Variants in THSD4 observed in about 807,000 individuals in gnomAD.
THSD4 encodes thrombospondin type 1 domain containing 4.
In THSD4, 69 loss-of-function variants were observed where a neutral mutation model predicts 119.0. The ratio of observed to expected loss-of-function variants is 0.58; its 90% confidence interval spans 0.48 to 0.71. The LOEUF is 0.71. Ranked by LOEUF, THSD4 falls within the 30% of genes least tolerant of loss-of-function variation. The pLI, the probability that THSD4 is intolerant of heterozygous loss-of-function variation, is 0.00. For missense variants in THSD4, 1,393 were observed against 1,391.1 expected (o/e 1.00, Z -0.02); for synonymous variants, 524 against 540.4 (o/e 0.97, Z 0.42).
At chr15:71,324,441 T>C (rs908570399) in intron 6 of THSD4, among the ~76,000 whole-genome samples, 5 of 152,172 alleles carry the variant, frequency 3.3e-5, no homozygotes, top group Non-Finnish European at 5.9e-5. Context: ...TGTGTACTTT[T>C]TTTCTTCCTT....
chr15:71,494,458 TTTAA>T (rs1202085879), intron 7 of THSD4, among the ~76,000 whole-genome samples: 2 of 152,158 alleles, frequency 1.3e-5, no homozygotes, highest in African/African-American at 4.8e-5. Context: ...GACACTGGCT[TTTAA>T]TTAAATACTT....
chr15:71,218,178 G>GC (rs2043949647), intron 4 of THSD4, among the ~76,000 whole-genome samples: 1 of 152,172 alleles, frequency 6.6e-6, no homozygotes, highest in Non-Finnish European at 1.5e-5. Flanking sequence ...TGAAACCCAG[G>GC]CCATCGTGGC....
chr15:71,301,209 C>T (rs564308010), intron 6 of THSD4, among the ~76,000 whole-genome samples: 1 of 152,264 alleles, frequency 6.6e-6, no homozygotes, highest in South Asian at 2.1e-4. Flanking sequence ...AAATAACTTC[C>T]ATTAATATTT....
chr15:71,379,447 C>CTT (rs1356266423), intron 6 of THSD4, among the ~76,000 whole-genome samples: 7 of 112,864 alleles, frequency 6.2e-5, no homozygotes, highest in African/African-American at 2.2e-4. Context: ...AAGCAAATGG[C>CTT]TTCTTTTTTT....
At chr15:71,211,184 T>A (rs12592833) in intron 3 of THSD4, among the ~76,000 whole-genome samples, 72,161 of 152,142 alleles carry the variant, frequency 0.47, 17,831 homozygotes, top group Middle Eastern at 0.66. Flanking sequence ...TTTTGGTGCT[T>A]TATTTTGCAT....
chr15:71,532,283 A>AGAGAGAGAGAGTGAGT (rs1379506089), intron 7 of THSD4, among the ~76,000 whole-genome samples: 1 of 101,574 alleles, frequency 9.8e-6, no homozygotes, highest in African/African-American at 3.4e-5. Context: ...AGAGAGAGAG[A>AGAGAGAGAGAGTGAGT]GTGTGTGTGT....
At chr15:71,626,803 TCTCTGCTTTCA>T (rs1341289162) in intron 7 of THSD4, among the ~76,000 whole-genome samples, 1 of 152,214 alleles carries the variant, frequency 6.6e-6, no homozygotes, top group Non-Finnish European at 1.5e-5. Flanking sequence ...CGTGTTATTT[TCTCTGCTTTCA>T]CTGTTCTTAT....
At chr15:71,731,247 T>G (rs2052974088) in intron 10 of THSD4, 30 bp downstream of exon 10, 1 of 1,597,050 alleles carries the variant, frequency 6.3e-7, no homozygotes, top group Admixed American at 1.7e-5. Context: ...GGCCGGGGAC[T>G]CTGGTCATTT....
At chr15:71,358,089 T>C (rs2045845207) in intron 6 of THSD4, among the ~76,000 whole-genome samples, 1 of 152,204 alleles carries the variant, frequency 6.6e-6, no homozygotes, top group Admixed American at 6.5e-5. Flanking sequence ...CTTCTCCTTC[T>C]TTTCCAGACA....
chr15:71,511,109 G>C (rs2048276863), intron 7 of THSD4, among the ~76,000 whole-genome samples: 2 of 152,284 alleles, frequency 1.3e-5, no homozygotes, highest in African/African-American at 4.8e-5. Flanking sequence ...TGTGGCTTCT[G>C]TCTTCAGCAG....
intron 7 of THSD4, among the ~76,000 whole-genome samples, chr15:71,451,336 TTGTC>T (rs1355951698): frequency 2.0e-5 from 3 of 152,268 alleles, no homozygotes; most frequent in Non-Finnish European, 2.9e-5. Context: ...GCGGAGGTGA[TTGTC>T]TGGACTGGGA....
At chr15:71,517,556 C>T (rs1449183182) in intron 7 of THSD4, among the ~76,000 whole-genome samples, 1 of 152,192 alleles carries the variant, frequency 6.6e-6, no homozygotes, top group Non-Finnish European at 1.5e-5. Flanking sequence ...AAAGGACATT[C>T]TCATTTGTAA....
intron 7 of THSD4, among the ~76,000 whole-genome samples, chr15:71,648,394 T>G (rs1048925496): frequency 6.6e-6 from 1 of 152,172 alleles, no homozygotes; most frequent in Non-Finnish European, 1.5e-5. Context: ...GCCCAACCCA[T>G]AGGCTCCATC....
chr15:71,670,471 G>T lies in THSD4; in HGVS notation c.1357+9737G>T, dbSNP rs201133261. Among the ~76,000 whole-genome samples the T allele has an allele frequency of 6.3e-4, 93 of 147,186 alleles. 2 individuals carry two copies. The East Asian group carries it at 0.019, about 30-fold the overall frequency. ...TATATGTGCCACATTTTCTTTTTTT[G>T]TTTGTTTTTTTTTAGATTTAAATTT... On this transcript the variant is annotated intron_variant, in intron 8 of 17. Coordinates refer to ENST00000261862, the MANE Select transcript of THSD4 (RefSeq NM_024817.3).
rs201899308 is a variant in THSD4, at chr15:71,741,454, C to T, written c.1906+3447C>T. On this transcript the variant is annotated intron_variant, in intron 11 of 17. Coordinates refer to ENST00000261862, the MANE Select transcript of THSD4 (RefSeq NM_024817.3). ...GTTGCAATGAGCCAAGATCATGCCA[C>T]TGCACTCCAGCCTGGGCAACAGAGC... is the stretch of plus-strand genomic sequence containing the variant. Among the ~76,000 whole-genome samples the T allele has an allele frequency of 1.5e-4, 23 of 152,210 alleles. No individual in the cohort carries two copies. In the East Asian group the frequency reaches 4.1e-3, roughly 27 times the overall value.
At position 71,669,811 on chromosome 15, in the gene THSD4, TGCGTGG is replaced by T. The variant is rs900557511; in HGVS notation, c.1357+9080_1357+9085del. 5.4e-4 allele frequency among the ~76,000 whole-genome samples: 82 copies of T among 152,340 alleles called. No homozygotes were observed. In the Middle Eastern group the frequency reaches 0.014, roughly 25 times the overall value. ...CAGTCAGGCAGGTTTCCTCTGAGTG[TGCGTGG>T]GCAGGGGTCAGACAGGCAGACAGAT... On this transcript the variant is annotated intron_variant, in intron 8 of 17. Transcript: ENST00000261862.
intron 7 of THSD4, among the ~76,000 whole-genome samples, chr15:71,533,651 C>T (rs1252143855): frequency 1.3e-5 from 2 of 152,168 alleles, no homozygotes; most frequent in African/African-American, 4.8e-5. Context: ...AAAATGTATG[C>T]ATTATGAAGT....
chr15:71,370,540 C>T (rs2046030070), intron 6 of THSD4, among the ~76,000 whole-genome samples: 1 of 152,138 alleles, frequency 6.6e-6, no homozygotes, highest in South Asian at 2.1e-4. Context: ...TCATTATGTA[C>T]CCAGTAGTCA....
intron 4 of THSD4, among the ~76,000 whole-genome samples, chr15:71,222,297 T>C (rs930834669): frequency 1.3e-5 from 2 of 152,116 alleles, no homozygotes; most frequent in African/African-American, 4.8e-5. Context: ...CTTCAGGTGA[T>C]TTTTTTCACC....
Sources: gnomAD v4.1 joint callset for allele counts (sites outside exome capture counted in the v4.1 genomes callset) on GRCh38, gnomAD v4.1.1 for gene constraint, MANE v1.5 for transcripts, NCBI Gene and HGNC (gene_info 2026-07-23, HGNC 2026-07-21) for gene names.